Variants in BCO1 observed in about 807,000 individuals in gnomAD.
BCO1 encodes beta-carotene oxygenase 1.
A neutral mutation model predicts 56.3 loss-of-function variants in BCO1; 54 were observed. That is an observed-to-expected ratio of 0.96 (90% CI 0.77 to 1.20). The LOEUF (loss-of-function observed/expected upper bound fraction) is 1.20, where lower values mean the gene tolerates loss of function less well. BCO1 is among the 50% of genes most tolerant of loss of function. The probability of loss-of-function intolerance (pLI) is 0.00; values close to 1 mark genes in which losing one functional copy is unlikely to be tolerated. For missense variants in BCO1, 801 were observed against 690.9 expected (o/e 1.16, Z -1.79); for synonymous variants, 318 against 266.1 (o/e 1.20, Z -1.90).
Position 81,239,048 on chromosome 16 carries a change from G to C in BCO1, c.64+76G>C, listed in dbSNP as rs148142922. On this transcript the variant is annotated intron_variant, in intron 1 of 10. Coordinates refer to ENST00000258168, the MANE Select transcript of BCO1 (RefSeq NM_017429.3). Reference sequence around the variant, plus strand: ...TTTTTTTTTTTTGAGGCGGAGTCTCGCTCTGTCGCCCGGGCTGGAGTCCAG... The same window carrying C: ...TTTTTTTTTTTTGAGGCGGAGTCTCCCTCTGTCGCCCGGGCTGGAGTCCAG... 5 of 1,313,782 alleles carry C rather than the reference G, an allele frequency of 3.8e-6. No individual in the cohort carries two copies. The Admixed American group carries it at 8.9e-5, about 23-fold the overall frequency. The allele number at this position is 1,313,782 out of a possible 1,614,324, so 81.4% of individuals were successfully genotyped here. A position where few individuals can be genotyped will look rare whatever the true frequency, so the allele number is the denominator to read the frequency against.
In BCO1 at chr16:81,285,537, T is replaced by C. The variant is rs778557916; in HGVS notation, c.1208-3T>C. Reference sequence around the variant, plus strand: ...CTTCATCCACCTCCTCATTTCCTTGTAGGCTTAGAGCTTCCACGGGTCAAT... The same window carrying C: ...CTTCATCCACCTCCTCATTTCCTTGCAGGCTTAGAGCTTCCACGGGTCAAT... On this transcript the variant is annotated splice_polypyrimidine_tract_variant and splice_region_variant and intron_variant, in intron 8 of 10. Transcript: ENST00000258168. 1 of 1,607,828 alleles carries C rather than the reference T, an allele frequency of 6.2e-7. No individual in the cohort carries two copies. The highest frequency in any genetic ancestry group is 2.2e-5 in the East Asian group (1 of 44,846).
At chr16:81,240,068 A>C (rs558236250) in intron 1 of BCO1, among the ~76,000 whole-genome samples, 33 of 152,120 alleles carry the variant, frequency 2.2e-4, no homozygotes, top group Non-Finnish European at 3.8e-4. Flanking sequence ...TTTGAAACAA[A>C]AAAAAAATAG....
intron 7 of BCO1, among the ~76,000 whole-genome samples, chr16:81,273,183 A>G (rs1301587162): frequency 6.6e-6 from 1 of 152,090 alleles, no homozygotes; most frequent in Non-Finnish European, 1.5e-5. Context: ...GGGTTTCACC[A>G]TGTTGGCCAG....
intron 4 of BCO1, chr16:81,262,888 C>T (rs566781509): frequency 1.9e-5 from 3 of 157,066 alleles, no homozygotes; most frequent in Non-Finnish European, 2.8e-5. Flanking sequence ...CAGAAATTTA[C>T]TCTCTCACAG....
At chr16:81,239,342 A>G (rs1007881947) in intron 1 of BCO1, among the ~76,000 whole-genome samples, 2 of 152,124 alleles carry the variant, frequency 1.3e-5, no homozygotes, top group Non-Finnish European at 1.5e-5. Flanking sequence ...GATGGACACT[A>G]TTTTTTCCTG....
At chr16:81,253,437 G>C (rs117900405) in intron 2 of BCO1, among the ~76,000 whole-genome samples, 1 of 152,212 alleles carries the variant, frequency 6.6e-6, no homozygotes, top group African/African-American at 2.4e-5. Flanking sequence ...CAAGTGCATG[G>C]TTGGTACATG....
chr16:81,287,524 T>C (rs1383778613), intron 10 of BCO1, 118 bp downstream of exon 10: 1 of 789,106 alleles, frequency 1.3e-6, no homozygotes, highest in Non-Finnish European at 2.2e-6. Flanking sequence ...GATTGGTGCT[T>C]TGAAGTGTAC....
chr16:81,277,774 T>C (rs1907644262), intron 7 of BCO1, among the ~76,000 whole-genome samples: 1 of 152,204 alleles, frequency 6.6e-6, no homozygotes, highest in Admixed American at 6.5e-5. Flanking sequence ...AAGTGATGTC[T>C]TCCTAAAACT....
At chr16:81,239,073 G>C (rs946676236) in intron 1 of BCO1, 101 bp downstream of exon 1, 1 of 1,067,180 alleles carries the variant, frequency 9.4e-7, no homozygotes, top group Admixed American at 2.3e-5. Context: ...CTGGAGTCCA[G>C]TGGCTTGATC....
chr16:81,238,765 A>G lies in BCO1; in HGVS notation c.-144A>G, dbSNP rs1281030324. On this transcript the variant is annotated 5_prime_UTR_variant, in exon 1 of 11. Coordinates refer to ENST00000258168, the MANE Select transcript of BCO1 (RefSeq NM_017429.3). ...CAAAAAGGAAAAAGCAAAGGCAGAA[A>G]CGGCATCAGGAGAGACAGAGATGTG... 6.5e-6 allele frequency: 5 copies of G among 764,502 alleles called. No homozygotes were observed. In the Admixed American group the frequency reaches 8.0e-5, roughly 12 times the overall value. The allele number at this position is 764,502 out of a possible 1,614,324, so 47.4% of individuals were successfully genotyped here.
Position 81,247,355 on chromosome 16 carries a change from T to C in BCO1, c.193+1752T>C, listed in dbSNP as rs77899817. Among the ~76,000 whole-genome samples the C allele has an allele frequency of 3.7e-4, 56 of 152,242 alleles. No individual in the cohort carries two copies. In the East Asian group the frequency reaches 9.3e-3, roughly 25 times the overall value. ...TAGCAAGGGCCTGACACCTGGTAGA[T>C]GCTTAAGAGATTAAAAATCACCATT... On this transcript the variant is annotated intron_variant, in intron 2 of 10. Transcript: ENST00000258168.
intron 7 of BCO1, 63 bp downstream of exon 7, chr16:81,270,479 C>A: frequency 1.2e-6 from 2 of 1,600,674 alleles, no homozygotes; most frequent in Admixed American, 3.3e-5. Flanking sequence ...TGGGAAGTTA[C>A]TTTGGCCCTT....
chr16:81,270,859 C>T (rs1469284120), intron 7 of BCO1, among the ~76,000 whole-genome samples: 1 of 152,048 alleles, frequency 6.6e-6, no homozygotes, highest in East Asian at 1.9e-4. Context: ...ATTCTCCTGC[C>T]TCAGCCTCTG....
At chr16:81,259,232 G>C (rs547574364) in intron 2 of BCO1, among the ~76,000 whole-genome samples, 9 of 152,260 alleles carry the variant, frequency 5.9e-5, no homozygotes, top group Admixed American at 1.3e-4. Context: ...GGTGGCTCAC[G>C]CTTGTAATTT....
intron 7 of BCO1, among the ~76,000 whole-genome samples, chr16:81,277,084 A>AG (rs1907603193): frequency 6.6e-6 from 1 of 151,008 alleles, no homozygotes; most frequent in Non-Finnish European, 1.5e-5. Context: ...AAAAAAAAAA[A>AG]GTAAAATAAA....
At position 81,280,938 on chromosome 16, in the gene BCO1, T is replaced by C. The variant is rs771171844; in HGVS notation, c.1183T>C (p.Cys395Arg). 6.2e-7 allele frequency: 1 copy of C among 1,613,906 alleles called. No individual in the cohort carries two copies. The highest frequency in any genetic ancestry group is 1.7e-5 in the Admixed American group (1 of 60,006). ...GAAGGAAGAAGATGGCCAAGTCTACTGCCAGCCGGAATTTCTTTATGAAGG... is the reference window on the plus strand; with the variant it reads ...GAAGGAAGAAGATGGCCAAGTCTACCGCCAGCCGGAATTTCTTTATGAAGG... ...ALKEEDGQVY[C>R]QPEFLYEGLE... Residue 395 changes from cysteine to arginine, a missense_variant, in exon 8 of 11, where the codon TGC (cysteine) becomes CGC (arginine). By Grantham distance (180) the Cys-to-Arg change is radical. Coordinates refer to ENST00000258168, the MANE Select transcript of BCO1 (RefSeq NM_017429.3).
intron 6 of BCO1, among the ~76,000 whole-genome samples, chr16:81,268,843 A>G (rs1295336435): frequency 6.6e-6 from 1 of 151,948 alleles, no homozygotes; most frequent in Admixed American, 6.6e-5. Context: ...CACTGGTACA[A>G]TCACAGCTCA....
In BCO1 at chr16:81,238,825, G is replaced by T; in HGVS notation, c.-84G>T. On this transcript the variant is annotated 5_prime_UTR_variant, in exon 1 of 11. Coordinates refer to ENST00000258168, the MANE Select transcript of BCO1 (RefSeq NM_017429.3). ...AGGAGCAGGAGAGCAGGAAGGAAAC[G>T]CAGGAGGAGGGAGCAGCATCTCCTG... 2 of 1,181,634 alleles carry T rather than the reference G, an allele frequency of 1.7e-6. No homozygotes were observed. Among genetic ancestry groups the T allele is most frequent in the Non-Finnish European group, 2.5e-6 (2 of 787,204 alleles). The allele number at this position is 1,181,634 out of a possible 1,614,324, so 73.2% of individuals were successfully genotyped here.
Position 81,245,527 on chromosome 16 carries a change from G to A in BCO1, c.117G>A (p.Met39Ile). 1.2e-6 allele frequency: 2 copies of A among 1,613,784 alleles called. No individual in the cohort carries two copies. The highest frequency in any genetic ancestry group is 1.7e-6 in the Non-Finnish European group (2 of 1,179,696). ...QGTLLRNGPG[M>I]HTVGESRYNH... ...CCCTGCTCCGCAATGGGCCTGGGAT[G>A]CACACAGTTGGGGAGTCCAGATACA... The change falls in exon 2 of 11, where the codon ATG becomes ATA. Residue 39 changes from methionine to isoleucine, a missense_variant. Coordinates refer to ENST00000258168, the MANE Select transcript of BCO1 (RefSeq NM_017429.3).
Sources: gnomAD v4.1 joint callset for allele counts (sites outside exome capture counted in the v4.1 genomes callset) on GRCh38, gnomAD v4.1.1 for gene constraint, MANE v1.5 for transcripts, NCBI Gene and HGNC (gene_info 2026-07-23, HGNC 2026-07-21) for gene names.